Variants in MSR1 observed in about 807,000 individuals in gnomAD.
MSR1 encodes macrophage scavenger receptor 1.
In MSR1, 53 loss-of-function variants were observed where a neutral mutation model predicts 47.2. The observed-to-expected ratio is 1.12, with a 90% CI of 0.90 to 1.41. The LOEUF (loss-of-function observed/expected upper bound fraction) is 1.41. MSR1 is among the 40% of genes most tolerant of loss of function. The pLI is 0.00. For synonymous variants in MSR1, 239 were observed against 185.6 expected (o/e 1.29, Z -2.34); for missense variants, 786 against 546.9 (o/e 1.44, Z -4.36).
chr8:16,176,174 G>A (rs958783433), intron 2 of MSR1, among the ~76,000 whole-genome samples: 1 of 152,094 alleles, frequency 6.6e-6, no homozygotes, highest in Non-Finnish European at 1.5e-5. Context: ...TTATTTTAAG[G>A]TATTGAAAAG....
At chr8:16,165,434 C>A (rs1801277606) in intron 4 of MSR1, among the ~76,000 whole-genome samples, 1 of 151,978 alleles carries the variant, frequency 6.6e-6, no homozygotes, top group Admixed American at 6.6e-5. Flanking sequence ...TCTTTTAGAT[C>A]ATTTGCTTGG....
intron 8 of MSR1, among the ~76,000 whole-genome samples, chr8:16,122,279 C>A (rs563043278): frequency 1.8e-4 from 27 of 152,036 alleles, no homozygotes; most frequent in Non-Finnish European, 3.7e-4. Context: ...CTGTAATTGC[C>A]TAAAGAAAAC....
chr8:16,176,203 T>G (rs1801641127), intron 2 of MSR1, among the ~76,000 whole-genome samples: 1 of 152,124 alleles, frequency 6.6e-6, no homozygotes, highest in African/African-American at 2.4e-5. Context: ...AGACAGTTTT[T>G]AAAAAGTAAA....
chr8:16,141,573 C>T (rs1028845351), intron 8 of MSR1, among the ~76,000 whole-genome samples: 1 of 152,066 alleles, frequency 6.6e-6, no homozygotes, highest in African/African-American at 2.4e-5. Context: ...GTATATCATT[C>T]TTTGTTTTTA....
At chr8:16,145,301 A>G (rs547174774) in intron 7 of MSR1, among the ~76,000 whole-genome samples, 122 of 152,262 alleles carry the variant, frequency 8.0e-4, no homozygotes, top group African/African-American at 2.9e-3. Flanking sequence ...TTTTGAGAGC[A>G]TGCTTTAATA....
chr8:16,186,535 C>G (rs899808982), intron 1 of MSR1, among the ~76,000 whole-genome samples: 1 of 152,110 alleles, frequency 6.6e-6, no homozygotes, highest in South Asian at 2.1e-4. Context: ...TCATCCAACC[C>G]TGTTGCTTTG....
chr8:16,139,350 G>A (rs1563147501), intron 8 of MSR1: 2 of 950,750 alleles, frequency 2.1e-6, no homozygotes, highest in Non-Finnish European at 2.5e-6. Flanking sequence ...ATTTCACAGA[G>A]CATCTTCACA....
intron 5 of MSR1, among the ~76,000 whole-genome samples, chr8:16,157,986 C>T (rs948032866): frequency 4.0e-5 from 6 of 151,884 alleles, no homozygotes; most frequent in African/African-American, 1.4e-4. Context: ...CTCTTGTAGT[C>T]ACCTTTTGTT....
At chr8:16,133,579 G>C (rs1368536521) in intron 8 of MSR1, among the ~76,000 whole-genome samples, 1 of 152,086 alleles carries the variant, frequency 6.6e-6, no homozygotes, top group South Asian at 2.1e-4. Context: ...GGCCCTCCAG[G>C]AAGTCAACAA....
At chr8:16,164,798 T>G (rs1338959111) in intron 4 of MSR1, among the ~76,000 whole-genome samples, 1 of 152,074 alleles carries the variant, frequency 6.6e-6, no homozygotes, top group Non-Finnish European at 1.5e-5. Context: ...GCCTCTGTAT[T>G]TGAGGCATTA....
intron 8 of MSR1, among the ~76,000 whole-genome samples, chr8:16,132,932 G>C (rs1397503330): frequency 6.6e-6 from 1 of 152,056 alleles, no homozygotes; most frequent in Non-Finnish European, 1.5e-5. Context: ...TTATTATTTT[G>C]AGATATGTTC....
chr8:16,177,523 A>G (rs1044790089), intron 2 of MSR1, among the ~76,000 whole-genome samples: 2 of 151,862 alleles, frequency 1.3e-5, no homozygotes, highest in Admixed American at 6.6e-5. Context: ...GTGAGCGAAT[A>G]CATTTCTGTT....
Position 16,164,054 on chromosome 8 carries a change from A to T in MSR1, c.817+11T>A. 1.3e-6 allele frequency: 2 copies of T among 1,596,020 alleles called. No homozygotes were observed. Among genetic ancestry groups the T allele is most frequent in the Non-Finnish European group, 1.7e-6 (2 of 1,167,202 alleles). ...TATATCATTTTCTGGAGAAATGACA[A>T]GACATTTTACCTTGAATTAAAGTGA... On this transcript the variant is annotated intron_variant, in intron 5 of 9. Coordinates refer to ENST00000262101, the MANE Select transcript of MSR1 (RefSeq NM_138715.3).
chr8:16,167,681 T>A (rs928876777), intron 4 of MSR1, among the ~76,000 whole-genome samples: 5 of 152,204 alleles, frequency 3.3e-5, no homozygotes, highest in Non-Finnish European at 7.3e-5. Flanking sequence ...TCAGTGCTCT[T>A]CTGACCCTAT....
chr8:16,166,770 G>A (rs950788535), intron 4 of MSR1, among the ~76,000 whole-genome samples: 1 of 152,014 alleles, frequency 6.6e-6, no homozygotes, highest in African/African-American at 2.4e-5. Context: ...CTTGATAAGT[G>A]TTATGCTGGT....
At chr8:16,174,915 C>T (rs351565) in intron 3 of MSR1, among the ~76,000 whole-genome samples, 151,205 of 152,282 alleles carry the variant, frequency 0.99, 75,071 homozygotes, top group East Asian at 1. Context: ...TTTGAAAGAG[C>T]GTCCTTTTCA....
At chr8:16,136,057 G>A (rs1407942079) in intron 8 of MSR1, among the ~76,000 whole-genome samples, 2 of 152,100 alleles carry the variant, frequency 1.3e-5, no homozygotes. Context: ...TTGTTGAGAC[G>A]ACAACAAAGG....
intron 3 of MSR1, among the ~76,000 whole-genome samples, chr8:16,172,695 T>C (rs1448901617): frequency 6.6e-6 from 1 of 152,076 alleles, no homozygotes; most frequent in Non-Finnish European, 1.5e-5. Flanking sequence ...ATACATAAAT[T>C]CTTGATTTTT....
At chr8:16,116,369 G>C (rs1799876251) in intron 9 of MSR1, among the ~76,000 whole-genome samples, 1 of 152,042 alleles carries the variant, frequency 6.6e-6, no homozygotes, top group African/African-American at 2.4e-5. Context: ...TGCTTCACTA[G>C]ATGCTGAAAA....
Sources: gnomAD v4.1 joint callset for allele counts (sites outside exome capture counted in the v4.1 genomes callset) on GRCh38, gnomAD v4.1.1 for gene constraint, MANE v1.5 for transcripts, NCBI Gene and HGNC (gene_info 2026-07-23, HGNC 2026-07-21) for gene names.